CUX1: variants seen among roughly 807,000 people sequenced by gnomAD.
The protein encoded by CUX1 is cut like homeobox 1.
CUX1 carries 31 observed loss-of-function variants against 158.8 expected under a neutral mutation model. The observed-to-expected ratio is 0.20, with a 90% CI of 0.15 to 0.26. The LOEUF (loss-of-function observed/expected upper bound fraction) is 0.26. Ranked by LOEUF, CUX1 falls within the 10% of genes least tolerant of loss-of-function variation. The pLI, the probability that CUX1 is intolerant of heterozygous loss-of-function variation, is 1.00. For synonymous variants in CUX1, 879 were observed against 862.1 expected (o/e 1.02, Z -0.34); for missense variants, 1,589 against 2,014.6 (o/e 0.79, Z 4.04).
intron 3 of CUX1, among the ~76,000 whole-genome samples, chr7:102,058,708 T>C (rs571332072): frequency 6.6e-6 from 1 of 152,346 alleles, no homozygotes; most frequent in South Asian, 2.1e-4. Context: ...ACAATTTTTT[T>C]ATTGTACACA....
At chr7:102,222,999 TCA>T (rs1797988980) in intron 20 of CUX1, among the ~76,000 whole-genome samples, 2 of 151,280 alleles carry the variant, frequency 1.3e-5, no homozygotes, top group Admixed American at 1.3e-4. Flanking sequence ...AGATGGGGTT[TCA>T]CCATGTTGGC....
intron 4 of CUX1, among the ~76,000 whole-genome samples, chr7:102,092,979 G>A (rs564628650): frequency 2.3e-4 from 35 of 151,186 alleles, no homozygotes; most frequent in Non-Finnish European, 3.7e-4. Context: ...GTTTCTCCAG[G>A]AGCGCTCTTC....
chr7:102,116,379 C>T (rs1198748545), intron 8 of CUX1, among the ~76,000 whole-genome samples: 1 of 152,128 alleles, frequency 6.6e-6, no homozygotes, highest in Non-Finnish European at 1.5e-5. Flanking sequence ...AAAACATCAC[C>T]ACTAGATCAG....
chr7:101,975,392 A>T (rs377216075), intron 2 of CUX1, among the ~76,000 whole-genome samples: 1 of 147,580 alleles, frequency 6.8e-6, no homozygotes, highest in Admixed American at 6.8e-5. Flanking sequence ...CAAAAAATGA[A>T]TTTTTTTTTT....
intron 8 of CUX1, among the ~76,000 whole-genome samples, chr7:102,137,050 G>C (rs1315799564): frequency 6.6e-6 from 1 of 152,196 alleles, no homozygotes; most frequent in Non-Finnish European, 1.5e-5. Flanking sequence ...TTACCTACAA[G>C]TAGTGAACGT....
At chr7:102,174,554 C>T (rs1350847063) in intron 10 of CUX1, among the ~76,000 whole-genome samples, 1 of 152,232 alleles carries the variant, frequency 6.6e-6, no homozygotes, top group Non-Finnish European at 1.5e-5. Context: ...GCTCCCCAAG[C>T]CCCTCTCTGT....
chr7:102,233,210 G>GTC (rs1208729490), intron 21 of CUX1, among the ~76,000 whole-genome samples: 16 of 130,710 alleles, frequency 1.2e-4, no homozygotes, highest in East Asian at 2.3e-4. Flanking sequence ...TGAGACAACG[G>GTC]TCTCTCTCTC....
At chr7:102,107,455 G>T (rs1277119115) in intron 6 of CUX1, among the ~76,000 whole-genome samples, 5 of 152,218 alleles carry the variant, frequency 3.3e-5, no homozygotes, top group Non-Finnish European at 7.4e-5. Flanking sequence ...CAGGAGAATT[G>T]CTTGAACCCA....
intron 11 of CUX1, among the ~76,000 whole-genome samples, chr7:102,183,549 G>C (rs942882457): frequency 2.0e-5 from 3 of 152,176 alleles, no homozygotes; most frequent in Non-Finnish European, 4.4e-5. Flanking sequence ...AGGAACCATG[G>C]AGACACATGT....
intron 3 of CUX1, among the ~76,000 whole-genome samples, chr7:102,030,693 T>TTTTTTTTTTTTGTTTTGTTTTG (rs1554459504): frequency 7.0e-6 from 1 of 142,806 alleles, no homozygotes; most frequent in African/African-American, 2.6e-5. Context: ...TAAAAAGTGT[T>TTTTTTTTTTTTGTTTTGTTTTG]TTTTTTTTTT....
chr7:102,096,146 C>A lies in CUX1; in HGVS notation c.269-1218C>A, dbSNP rs113610279. 2.0e-5 allele frequency among the ~76,000 whole-genome samples: 3 copies of A among 152,342 alleles called. No homozygotes were observed. The South Asian group carries it at 6.2e-4, about 32-fold the overall frequency. ...GCTGGCCTGGCTGCCGTGCAGCGCG[C>A]GCTGCTCTGCACTTAGTTATCATCA... is the stretch of plus-strand genomic sequence containing the variant. On this transcript the variant is annotated intron_variant, in intron 4 of 23. Coordinates refer to ENST00000292535, the MANE Select transcript of CUX1 (RefSeq NM_181552.4).
intron 1 of CUX1, among the ~76,000 whole-genome samples, chr7:101,843,759 A>G (rs886606979): frequency 1.3e-5 from 2 of 152,160 alleles, no homozygotes; most frequent in Non-Finnish European, 2.9e-5. Context: ...TTCTAGGATA[A>G]TGGTGCCATA....
intron 3 of CUX1, among the ~76,000 whole-genome samples, chr7:102,032,232 A>G (rs1408750938): frequency 1.3e-5 from 2 of 151,802 alleles, no homozygotes; most frequent in Non-Finnish European, 2.9e-5. Flanking sequence ...CCTGGCCTGG[A>G]AGTGGTTTTT....
At chr7:101,897,321 G>A (rs529747472) in intron 1 of CUX1, among the ~76,000 whole-genome samples, 1 of 152,000 alleles carries the variant, frequency 6.6e-6, no homozygotes, top group Non-Finnish European at 1.5e-5. Context: ...GCAACATATC[G>A]AGGCCTCATT....
chr7:101,962,822 GC>G (rs1810679663), intron 2 of CUX1, among the ~76,000 whole-genome samples: 1 of 152,120 alleles, frequency 6.6e-6, no homozygotes, highest in South Asian at 2.1e-4. Flanking sequence ...CTGGGCTCAA[GC>G]AATCCTCCCA....
Position 102,070,319 on chromosome 7 carries a change from T to A in CUX1, c.190-20T>A, listed in dbSNP as rs769582975. On this transcript the variant is annotated intron_variant, in intron 3 of 23. Coordinates refer to ENST00000292535, the MANE Select transcript of CUX1 (RefSeq NM_181552.4). ...TGTTGAGCTCTTTGTTTTTCTTTTC[T>A]TTCTTTCCTTCCCTTTCAGATTGAT... 2.5e-6 allele frequency: 4 copies of A among 1,599,854 alleles called. No individual in the cohort carries two copies. The African/African-American group carries it at 4.0e-5, about 16-fold the overall frequency.
intron 4 of CUX1, among the ~76,000 whole-genome samples, chr7:102,093,998 G>A (rs1013611148): frequency 1.3e-5 from 2 of 152,178 alleles, no homozygotes; most frequent in Non-Finnish European, 2.9e-5. Flanking sequence ...GACAATCCTT[G>A]TGTGGGGTTT....
At chr7:102,028,459 C>T (rs1820315077) in intron 3 of CUX1, among the ~76,000 whole-genome samples, 1 of 152,190 alleles carries the variant, frequency 6.6e-6, no homozygotes, top group South Asian at 2.1e-4. Flanking sequence ...CATGCATCCC[C>T]TCTAGGAAGT....
At chr7:102,028,618 G>C (rs1238291824) in intron 3 of CUX1, among the ~76,000 whole-genome samples, 2 of 152,224 alleles carry the variant, frequency 1.3e-5, no homozygotes, top group Non-Finnish European at 2.9e-5. Flanking sequence ...GCCACGAGGA[G>C]CAAGCCTAGG....
Sources: allele counts gnomAD v4.1 joint callset (sites outside exome capture counted in the v4.1 genomes callset), GRCh38; gene constraint gnomAD v4.1.1; transcripts MANE v1.5; gene names NCBI Gene and HGNC (gene_info 2026-07-23, HGNC 2026-07-21).